Variants in FBLN5 observed in about 807,000 individuals in gnomAD.
The protein encoded by FBLN5 is fibulin 5, also known as fibulin-5.
FBLN5 carries 24 observed loss-of-function variants against 61.6 expected under a neutral mutation model. The ratio of observed to expected loss-of-function variants is 0.39; its 90% CI spans 0.28 to 0.55. The LOEUF (loss-of-function observed/expected upper bound fraction) is 0.55. Among genes scored for constraint, FBLN5 ranks in the 20% least tolerant of loss-of-function variants. FBLN5 has a pLI of 0.65. For missense variants in FBLN5, 470 were observed against 594.1 expected (o/e 0.79, Z 2.17); for synonymous variants, 213 against 219.8 (o/e 0.97, Z 0.27).
Position 91,882,313 on chromosome 14 carries a change from C to T in FBLN5, c.862+641G>A, listed in dbSNP as rs997103788. 2.6e-5 allele frequency among the ~76,000 whole-genome samples: 4 copies of T among 152,178 alleles called. No homozygotes were observed. Among genetic ancestry groups the T allele is most frequent in the Admixed American group, 6.5e-5 (1 of 15,282 alleles). Reference sequence around the variant, plus strand: ...ATATTTCTATTGCCTGGCACTACTACGGAGAATTCTTGCTTGGCAATGGGA... The same window carrying T: ...ATATTTCTATTGCCTGGCACTACTATGGAGAATTCTTGCTTGGCAATGGGA... On this transcript the variant is annotated intron_variant, in intron 8 of 10. Coordinates refer to ENST00000342058, the MANE Select transcript of FBLN5 (RefSeq NM_006329.4). This position sits in a 1 kb window ranked among gnomAD's most constrained non-coding sequence, Gnocchi z 4.9.
At chr14:91,939,786 G>C (rs1251771310) in intron 3 of FBLN5, 1 of 362,594 alleles carries the variant, frequency 2.8e-6, no homozygotes, top group Non-Finnish European at 5.4e-6. Flanking sequence ...CTGTGAATAG[G>C]TTGGGTTACA....
chr14:91,899,627 T>C (rs1472347325), intron 4 of FBLN5, among the ~76,000 whole-genome samples: 2 of 152,192 alleles, frequency 1.3e-5, no homozygotes, highest in Admixed American at 6.5e-5. Flanking sequence ...CCTCGATGCC[T>C]TCCAAGGAGG....
intron 4 of FBLN5, among the ~76,000 whole-genome samples, chr14:91,915,858 A>G (rs190019943): frequency 6.6e-6 from 1 of 152,300 alleles, no homozygotes; most frequent in African/African-American, 2.4e-5. Flanking sequence ...GACCATTCTA[A>G]CTTTCCAGAG....
chr14:91,914,338 C>T lies in FBLN5; in HGVS notation c.380-19266G>A, dbSNP rs901944748. 4.6e-5 allele frequency among the ~76,000 whole-genome samples: 7 copies of T among 151,884 alleles called. No homozygotes were observed. The East Asian group carries it at 7.7e-4, about 17-fold the overall frequency. On this transcript the variant is annotated intron_variant, in intron 4 of 10. Transcript: ENST00000342058. ...AAAAATACAAAAAAATTTAGCCGAG[C>T]GTGGTGGCAGGCGCCTGTAGTCCCA...
At chr14:91,924,590 G>A (rs866565796) in intron 4 of FBLN5, among the ~76,000 whole-genome samples, 8 of 152,018 alleles carry the variant, frequency 5.3e-5, no homozygotes, top group East Asian at 1.9e-4. Context: ...GCTGAGGCAC[G>A]AGGATTGCTT....
chr14:91,871,910 G>A (rs1205562692), intron 10 of FBLN5, among the ~76,000 whole-genome samples: 1 of 151,990 alleles, frequency 6.6e-6, no homozygotes. Flanking sequence ...CTCAAAGTGT[G>A]GTCCCTGGAC....
intron 7 of FBLN5, among the ~76,000 whole-genome samples, chr14:91,884,144 C>G (rs1378148625): frequency 6.6e-6 from 1 of 152,216 alleles, no homozygotes; most frequent in African/African-American, 2.4e-5. Flanking sequence ...TCTCCACCAT[C>G]AGATAATTCC....
Position 91,937,068 on chromosome 14 carries a change from G to T in FBLN5, c.258C>A (p.Thr86=), listed in dbSNP as rs760496292. The T allele has an allele frequency of 1.2e-6, 2 of 1,613,958 alleles. No individual in the cohort carries two copies. The highest frequency in any genetic ancestry group is 1.7e-6 in the Non-Finnish European group (2 of 1,179,964). Residue 86 remains threonine, a synonymous_variant, in exon 4 of 11, where the codon ACC becomes ACA. Coordinates refer to ENST00000342058, the MANE Select transcript of FBLN5 (RefSeq NM_006329.4). ...CTGCTGGGTACGGACCTGAGTAGGG[G>T]GTCGAGTAGGGGTTCGAGTAGGGCC... ...YRGPYSNPYS[T]PYSGPYPAAA...
At chr14:91,924,613 T>C (rs2055795392) in intron 4 of FBLN5, among the ~76,000 whole-genome samples, 1 of 150,354 alleles carries the variant, frequency 6.7e-6, no homozygotes, top group African/African-American at 2.5e-5. Flanking sequence ...ACCCAGGAGA[T>C]GGGGGTTGCA....
At chr14:91,916,150 A>G (rs1336013954) in intron 4 of FBLN5, among the ~76,000 whole-genome samples, 5 of 152,312 alleles carry the variant, frequency 3.3e-5, no homozygotes, top group African/African-American at 1.2e-4. Flanking sequence ...AGAACAGCTC[A>G]AAAGAATTCA....
At position 91,869,719 on chromosome 14, in the gene FBLN5, C is replaced by T. The variant is rs1182717254; in HGVS notation, c.*505G>A. ...GTTTTGAAACACATTCTCTAAAAAC[C>T]CTTCGATCCTGCTGTGGTTTGTTTA... On this transcript the variant is annotated 3_prime_UTR_variant, in exon 11 of 11. Coordinates refer to ENST00000342058, the MANE Select transcript of FBLN5 (RefSeq NM_006329.4). 1.8e-5 allele frequency: 3 copies of T among 165,304 alleles called. No homozygotes were observed. Among genetic ancestry groups the T allele is most frequent in the African/African-American group, 7.2e-5 (3 of 41,746 alleles). 10.2% of individuals were successfully genotyped at this position (165,304 alleles called of 1,614,324 possible). A position where few individuals can be genotyped will look rare whatever the true frequency, so the allele number is the denominator to read the frequency against.
chr14:91,908,153 A>C (rs1200293547), intron 4 of FBLN5, among the ~76,000 whole-genome samples: 2 of 152,282 alleles, frequency 1.3e-5, no homozygotes, highest in East Asian at 1.9e-4. Context: ...TGTACTTCAC[A>C]CTTCTCTGCA....
At chr14:91,919,405 G>GGAAA (rs1223722581) in intron 4 of FBLN5, among the ~76,000 whole-genome samples, 2 of 149,740 alleles carry the variant, frequency 1.3e-5, no homozygotes, top group South Asian at 2.1e-4. Flanking sequence ...AAGGAAGGAA[G>GGAAA]GAAGGAAGGA....
At chr14:91,922,683 G>A (rs2055761184) in intron 4 of FBLN5, among the ~76,000 whole-genome samples, 2 of 152,202 alleles carry the variant, frequency 1.3e-5, no homozygotes, top group South Asian at 4.1e-4. Flanking sequence ...GTCTGATGGT[G>A]GGATCGCTTA....
chr14:91,939,853 G>A, intron 3 of FBLN5: 1 of 432,768 alleles, frequency 2.3e-6, no homozygotes, highest in Admixed American at 2.7e-5. Context: ...AGCTGACCTT[G>A]AGATGGGGAG....
intron 4 of FBLN5, among the ~76,000 whole-genome samples, chr14:91,908,006 A>C (rs1022087127): frequency 1.3e-5 from 2 of 152,198 alleles, no homozygotes; most frequent in African/African-American, 4.8e-5. Context: ...AAGCTCCCCA[A>C]AATATATTCA....
At chr14:91,935,561 G>T (rs1328422834) in intron 4 of FBLN5, among the ~76,000 whole-genome samples, 2 of 152,198 alleles carry the variant, frequency 1.3e-5, no homozygotes, top group Non-Finnish European at 2.9e-5. Flanking sequence ...CCAGATAGGA[G>T]AGGTCATTTC....
chr14:91,906,487 G>A (rs987249017), intron 4 of FBLN5, among the ~76,000 whole-genome samples: 2 of 152,140 alleles, frequency 1.3e-5, no homozygotes, highest in Admixed American at 6.5e-5. Context: ...CTAGAAGTGC[G>A]GGTCACACCC....
chr14:91,905,308 G>A (rs575462487), intron 4 of FBLN5, among the ~76,000 whole-genome samples: 28 of 152,216 alleles, frequency 1.8e-4, no homozygotes, highest in Middle Eastern at 3.4e-3. Flanking sequence ...TGCCCCCCTA[G>A]AGCTTGCAGG....
Sources: allele counts gnomAD v4.1 joint callset (sites outside exome capture counted in the v4.1 genomes callset), GRCh38; gene constraint gnomAD v4.1.1; non-coding constraint Gnocchi (gnomAD v3.1); transcripts MANE v1.5; gene names NCBI Gene and HGNC (gene_info 2026-07-23, HGNC 2026-07-21).